NCKAP5: variants seen among roughly 807,000 people sequenced by gnomAD.
The protein encoded by NCKAP5 is NCK associated protein 5.
In NCKAP5, 92 loss-of-function variants were observed where a neutral mutation model predicts 167.0. The observed-to-expected ratio is 0.55, with a 90% confidence interval of 0.47 to 0.66. The LOEUF is 0.66. Ranked by LOEUF, NCKAP5 falls within the 30% of genes least tolerant of loss-of-function variation. NCKAP5 has a pLI of 0.00. For missense variants in NCKAP5, 2,378 were observed against 2,315.0 expected (o/e 1.03, Z -0.56); for synonymous variants, 891 against 877.4 (o/e 1.02, Z -0.27).
intron 11 of NCKAP5, among the ~76,000 whole-genome samples, chr2:132,845,211 T>A (rs897138291): frequency 1.3e-5 from 2 of 152,128 alleles, no homozygotes; most frequent in African/African-American, 4.8e-5. Flanking sequence ...TTTCAGTCCT[T>A]TATTTGTATG....
At chr2:132,970,109 T>C (rs1394732761) in intron 7 of NCKAP5, among the ~76,000 whole-genome samples, 2 of 152,204 alleles carry the variant, frequency 1.3e-5, no homozygotes, top group Admixed American at 6.5e-5. Context: ...CAGATCACCA[T>C]AGTCCATTTT....
At chr2:132,774,027 T>C in intron 15 of NCKAP5, 133 bp from the exon 16 acceptor site, 2 of 667,298 alleles carry the variant, frequency 3.0e-6, no homozygotes. Flanking sequence ...TATATACATG[T>C]GTGAGTATGT....
chr2:133,512,009 C>T (rs1207679316), intron 3 of NCKAP5, among the ~76,000 whole-genome samples: 1 of 152,124 alleles, frequency 6.6e-6, no homozygotes, highest in Non-Finnish European at 1.5e-5. Flanking sequence ...TGTGCAGTAT[C>T]CCTATGGTAA....
chr2:133,411,652 C>A (rs1239518090), intron 3 of NCKAP5, among the ~76,000 whole-genome samples: 2 of 151,956 alleles, frequency 1.3e-5, no homozygotes, highest in African/African-American at 2.4e-5. Context: ...AGGGAGGGTG[C>A]GGATATCTTT....
intron 11 of NCKAP5, among the ~76,000 whole-genome samples, chr2:132,836,369 C>A (rs930940001): frequency 6.6e-6 from 1 of 152,072 alleles, no homozygotes; most frequent in African/African-American, 2.4e-5. Context: ...ATGGCGCACT[C>A]CATGACCTCT....
intron 8 of NCKAP5, among the ~76,000 whole-genome samples, chr2:132,896,742 T>C (rs763538983): frequency 3.9e-5 from 6 of 152,230 alleles, no homozygotes; most frequent in Non-Finnish European, 5.9e-5. Context: ...ATTTTATACC[T>C]AGATGATGTC....
chr2:133,482,198 T>TA (rs1248743235), intron 3 of NCKAP5, among the ~76,000 whole-genome samples: 1 of 151,988 alleles, frequency 6.6e-6, no homozygotes, highest in African/African-American at 2.4e-5. Context: ...TGTGTATATA[T>TA]ATAAAATTTT....
intron 5 of NCKAP5, among the ~76,000 whole-genome samples, chr2:133,190,780 C>T (rs952454286): frequency 2.6e-5 from 4 of 151,976 alleles, no homozygotes; most frequent in African/African-American, 7.2e-5. Flanking sequence ...TCAAGACGGA[C>T]TAAAGACTGA....
intron 19 of NCKAP5, among the ~76,000 whole-genome samples, chr2:132,708,689 G>A (rs551072866): frequency 6.6e-6 from 1 of 152,340 alleles, no homozygotes; most frequent in East Asian, 1.9e-4. Context: ...TGACCGTAGA[G>A]CGCTTCATGT....
chr2:133,584,206 A>G, the NCKAP5 span, among the ~76,000 whole-genome samples: 1 of 152,248 alleles, frequency 6.6e-6, no homozygotes, highest in Non-Finnish European at 1.5e-5. Context: ...ACACATGCAC[A>G]CACACACATA....
chr2:133,667,706 A>G, the NCKAP5 span, among the ~76,000 whole-genome samples: 3 of 152,148 alleles, frequency 2.0e-5, no homozygotes, highest in East Asian at 3.9e-4. Context: ...TATGCCCCCA[A>G]ATTGGTAAGG....
intron 3 of NCKAP5, among the ~76,000 whole-genome samples, chr2:133,372,940 A>G (rs1195431344): frequency 6.6e-6 from 1 of 152,234 alleles, no homozygotes; most frequent in Non-Finnish European, 1.5e-5. Flanking sequence ...GGAGAATAGC[A>G]ACATAATCGT....
chr2:133,553,613 G>C (rs115503399), intron 2 of NCKAP5, among the ~76,000 whole-genome samples: 2,602 of 152,248 alleles, frequency 0.017, 79 homozygotes, highest in African/African-American at 0.059. Context: ...GTGTGGGCTA[G>C]AGCCAAATCA....
chr2:133,362,260 A>G (rs1490941230), intron 3 of NCKAP5, among the ~76,000 whole-genome samples: 2 of 152,192 alleles, frequency 1.3e-5, no homozygotes, highest in Admixed American at 1.3e-4. Flanking sequence ...AGAAGAGGAA[A>G]ACATGAAGCC....
chr2:133,182,422 A>G (rs1281780269), intron 5 of NCKAP5, among the ~76,000 whole-genome samples: 1 of 152,224 alleles, frequency 6.6e-6, no homozygotes, highest in Non-Finnish European at 1.5e-5. Context: ...TTGAAATCAT[A>G]CGGACTGTGT....
the NCKAP5 span, among the ~76,000 whole-genome samples, chr2:133,674,295 A>C: frequency 2.6e-5 from 4 of 152,328 alleles, no homozygotes; most frequent in East Asian, 7.7e-4. Flanking sequence ...CTGCGGAATG[A>C]ATCAGACAAC....
intron 4 of NCKAP5, among the ~76,000 whole-genome samples, chr2:133,281,361 T>C (rs1331536264): frequency 1.3e-5 from 2 of 152,206 alleles, no homozygotes; most frequent in Non-Finnish European, 1.5e-5. Flanking sequence ...GTTTTTTCAA[T>C]CTATTTATTT....
intron 7 of NCKAP5, among the ~76,000 whole-genome samples, chr2:132,985,027 G>T (rs558171900): frequency 2.0e-5 from 3 of 151,498 alleles, no homozygotes; most frequent in African/African-American, 7.3e-5. Context: ...AATAAAGGCT[G>T]GCTCTCTGCT....
chr2:133,122,578 A>G (rs2082282981), intron 6 of NCKAP5: 1 of 152,230 alleles, frequency 6.6e-6, no homozygotes, highest in Admixed American at 6.5e-5. Context: ...ACAGCAGAGT[A>G]TCTTAACTTC....
Sources: gnomAD v4.1 joint callset for allele counts (sites outside exome capture counted in the v4.1 genomes callset) on GRCh38, gnomAD v4.1.1 for gene constraint, MANE v1.5 for transcripts, NCBI Gene and HGNC (gene_info 2026-07-23, HGNC 2026-07-21) for gene names.